AMZ1: variants seen among roughly 807,000 people sequenced by gnomAD.
The protein encoded by AMZ1 is archaelysin family metallopeptidase 1, also known as archaemetzincin-1.
AMZ1 carries 39 observed loss-of-function variants against 29.9 expected under a neutral mutation model. The observed-to-expected ratio is 1.30, with a 90% CI of 1.01 to 1.70. AMZ1 has a LOEUF of 1.70. Ranked by LOEUF, AMZ1 falls within the 40% of genes most tolerant of loss-of-function variation. The probability of loss-of-function intolerance (pLI) is 0.00; values close to 1 mark genes in which losing one functional copy is unlikely to be tolerated. For missense variants in AMZ1, 1,041 were observed against 680.6 expected, an observed-to-expected ratio of 1.53 and a Z score of -5.89; for synonymous variants, 458 against 304.0, an observed-to-expected ratio of 1.51 and a Z score of -5.27.
chr7:2,740,588 T>C (rs78069301), intron 4 of AMZ1, among the ~76,000 whole-genome samples: 1,700 of 152,294 alleles, frequency 0.011, 34 homozygotes, highest in African/African-American at 0.038. Flanking sequence ...AGCCGACAAA[T>C]ATAATTATGA....
At position 2,753,457 on chromosome 7, in the gene AMZ1, T is replaced by C. The variant is rs570076980; in HGVS notation, n.551-11255T>C. ...CTGGCAGCATGTGGCCTTTGGAAGT[T>C]GGCTTTTTTCACTCAACATAATGTC... On this transcript the variant is annotated intron_variant and non_coding_transcript_variant, in intron 4 of 4. Coordinates refer to the AMZ1 transcript ENST00000489665. Among the ~76,000 whole-genome samples, 60 of 152,304 alleles carry C rather than the reference T, an allele frequency of 3.9e-4. No individual in the cohort carries two copies. The South Asian group carries it at 0.012, about 31-fold the overall frequency.
At chr7:2,763,884 G>T (rs1190087053), upstream of AMZ1, among the ~76,000 whole-genome samples, 1 of 152,216 alleles carries the variant, frequency 6.6e-6, no homozygotes, top group Non-Finnish European at 1.5e-5. Flanking sequence ...GACGGAGAGA[G>T]AAGGAGCTCA....
rs371443958 is a variant in AMZ1, at chr7:2,709,186, T to A, written c.713T>A (p.Leu238Gln). ...EAAADGPEAP[L>Q]QDRGWALCFS... ...GCAGCAGACGGCCCCGAGGCCCCCC[T>A]GCAGGACAGGGGCTGGGCCCTGTGC... Residue 238 changes from leucine to glutamine, a missense_variant, in exon 5 of 7, where the codon CTG becomes CAG. Physicochemically the swap from Leu to Gln is moderately radical, Grantham distance 113. Coordinates refer to ENST00000683327, the MANE Select transcript of AMZ1 (RefSeq NM_001384743.1). 5 of 1,539,046 alleles carry A rather than the reference T, an allele frequency of 3.2e-6. No individual in the cohort carries two copies. The East Asian group carries it at 1.1e-4, about 35-fold the overall frequency.
rs371301864 is a variant in AMZ1, at chr7:2,741,401, A to C, written n.551-23311A>C. 1.6e-3 allele frequency among the ~76,000 whole-genome samples: 248 copies of C among 152,226 alleles called. 2 individuals carry two copies. Among genetic ancestry groups the C allele is most frequent in the Middle Eastern group, 0.01 (3 of 294 alleles). On this transcript the variant is annotated intron_variant and non_coding_transcript_variant, in intron 4 of 4. Coordinates refer to the AMZ1 transcript ENST00000489665. ...AAATAACAGGGCTAGGGGTGGGGAG[A>C]GCTCACCCAGTTTCCAGAGGCTTCC...
In AMZ1 at chr7:2,700,391, C is replaced by G; in HGVS notation, c.-61C>G. 6.5e-7 allele frequency: 1 copy of G among 1,546,812 alleles called. No homozygotes were observed. The stretch of plus-strand genomic sequence containing the variant: ...TTCTGGACGAGACCGTGGCCGTCCC[C>G]CGGGTGGCCCATGGACAGCAGCAGG... On this transcript the variant is annotated 5_prime_UTR_variant, in exon 2 of 7. Coordinates refer to ENST00000683327, the MANE Select transcript of AMZ1 (RefSeq NM_001384743.1).
At chr7:2,746,734 G>T (rs1362074568) in intron 4 of AMZ1, among the ~76,000 whole-genome samples, 19 of 152,064 alleles carry the variant, frequency 1.2e-4, no homozygotes, top group African/African-American at 4.6e-4. Flanking sequence ...CCAGGAGCTG[G>T]TTTTTTGAAA....
chr7:2,740,668 G>A (rs1306794250), intron 4 of AMZ1, among the ~76,000 whole-genome samples: 1 of 152,116 alleles, frequency 6.6e-6, no homozygotes, highest in Non-Finnish European at 1.5e-5. Flanking sequence ...CTGGGCAATG[G>A]GTTTATGAGT....
intron 4 of AMZ1, among the ~76,000 whole-genome samples, chr7:2,750,106 C>T (rs1246307155): frequency 2.0e-5 from 3 of 152,200 alleles, no homozygotes; most frequent in Admixed American, 6.5e-5. Context: ...CTATACCACA[C>T]ACTTCTGAAT....
chr7:2,753,142 T>C (rs1711848081), intron 4 of AMZ1, among the ~76,000 whole-genome samples: 2 of 151,126 alleles, frequency 1.3e-5, no homozygotes, highest in South Asian at 2.1e-4. Context: ...AGTGAAACCA[T>C]ACAGCATGCG....
intron 4 of AMZ1, among the ~76,000 whole-genome samples, chr7:2,725,502 C>G (rs1789581276): frequency 6.6e-6 from 1 of 152,224 alleles, no homozygotes; most frequent in African/African-American, 2.4e-5. Context: ...CCTCCAAGTT[C>G]CAGAGGGTTC....
At chr7:2,683,391 G>A (rs940500274), upstream of AMZ1, among the ~76,000 whole-genome samples, 9 of 152,086 alleles carry the variant, frequency 5.9e-5, no homozygotes, top group Admixed American at 3.9e-4. Context: ...CTTCTCCTCT[G>A]TGTCTCTGTG....
At chr7:2,760,140 C>T (rs1791488604), upstream of AMZ1, among the ~76,000 whole-genome samples, 2 of 152,380 alleles carry the variant, frequency 1.3e-5, no homozygotes, top group South Asian at 2.1e-4. Context: ...GAGAGCCCCA[C>T]GTGATGGACG....
chr7:2,726,941 G>A (rs753014057), intron 4 of AMZ1, among the ~76,000 whole-genome samples: 8 of 152,222 alleles, frequency 5.3e-5, no homozygotes, highest in South Asian at 4.1e-4. Context: ...TCCAGAGCAC[G>A]TCAAGGTCCT....
intron 6 of AMZ1, among the ~76,000 whole-genome samples, chr7:2,710,317 T>A (rs946055912): frequency 1.1e-4 from 17 of 152,364 alleles, no homozygotes; most frequent in African/African-American, 4.1e-4. Context: ...TCGTCCGTAT[T>A]CATGGACATT....
intron 4 of AMZ1, among the ~76,000 whole-genome samples, chr7:2,740,401 T>A (rs1055409803): frequency 2.0e-5 from 3 of 152,140 alleles, no homozygotes; most frequent in Non-Finnish European, 4.4e-5. Context: ...CCGTCCTATG[T>A]GAGGCACCAG....
chr7:2,717,491 G>A lies in AMZ1; in HGVS notation c.*4613G>A, dbSNP rs138516002. Among the ~76,000 whole-genome samples, 3 of 152,218 alleles carry A rather than the reference G, an allele frequency of 2.0e-5. No homozygotes were observed. Among genetic ancestry groups the A allele is most frequent in the Non-Finnish European group, 4.4e-5 (3 of 68,040 alleles). On this transcript the variant is annotated 3_prime_UTR_variant, in exon 7 of 7. Transcript: ENST00000683327. ...GGGCTCTCTGGAGCTCACCCCGCAC[G>A]CAGGCTGCTCCAGAGCTGAAATCTA...
chr7:2,705,731 C>T (rs1016647251), intron 3 of AMZ1, among the ~76,000 whole-genome samples: 11 of 152,170 alleles, frequency 7.2e-5, no homozygotes, highest in Admixed American at 6.5e-4. Flanking sequence ...GTTTCTTTGT[C>T]CTGGCCTGCT....
rs771103645 is a variant in AMZ1, at chr7:2,712,539, C to G, written c.1158C>G (p.Ser386Arg). The change falls in exon 7 of 7, where the codon AGC becomes AGG. Residue 386 changes from serine to arginine, a missense_variant. Ser to Arg is a moderately radical substitution (Grantham distance 110, BLOSUM62 -1). Coordinates refer to ENST00000683327, the MANE Select transcript of AMZ1 (RefSeq NM_001384743.1). ...TFASGPEEGL[S>R]YLAASEAPLP... The stretch of plus-strand genomic sequence containing the variant: ...CCTCGGGGCCAGAGGAAGGGCTGAG[C>G]TACCTGGCAGCCTCAGAGGCTCCGC... The G allele has an allele frequency of 5.6e-6, 9 of 1,608,800 alleles. No homozygotes were observed. In the Admixed American group the frequency reaches 1.3e-4, roughly 24 times the overall value.
At chr7:2,709,021 C>A (rs999416525) in intron 4 of AMZ1, 54 bp from the exon 5 acceptor site, 2 of 1,512,258 alleles carry the variant, frequency 1.3e-6, no homozygotes, top group Non-Finnish European at 1.8e-6. Flanking sequence ...GACGGTGGGC[C>A]CCCCAGAGCC....
Sources: allele counts gnomAD v4.1 joint callset (sites outside exome capture counted in the v4.1 genomes callset), GRCh38; gene constraint gnomAD v4.1.1; transcripts MANE v1.5; gene names NCBI Gene and HGNC (gene_info 2026-07-23, HGNC 2026-07-21).